ANK3: variants seen among roughly 807,000 people sequenced by gnomAD.
ANK3 encodes ankyrin-3.
Under a neutral mutation model 370.9 loss-of-function variants are expected in ANK3, and 57 were observed. That is an observed-to-expected ratio of 0.15 (90% CI 0.12 to 0.19). ANK3 has a LOEUF of 0.19. Among genes scored for constraint, ANK3 ranks in the 10% least tolerant of loss-of-function variants. The pLI is 1.00. For synonymous variants in ANK3, 1,929 were observed against 1,946.3 expected (o/e 0.99, Z 0.23); for missense variants, 4,439 against 5,302.1 (o/e 0.84, Z 5.06).
intron 40 of ANK3, chr10:60,060,195 A>ATAAAATAGAATACTAATTAAGATATCAAT (rs2080099058): frequency 2.3e-6 from 1 of 431,534 alleles, no homozygotes; most frequent in Admixed American, 3.9e-5. Flanking sequence ...GCAAACTCCA[A>ATAAAATAGAATACTAATTAAGATATCAAT]TAAAATAGAA....
rs559689758 is a variant in ANK3, at chr10:60,667,855, T to C, written c.58-52631A>G. 2.0e-5 allele frequency among the ~76,000 whole-genome samples: 3 copies of C among 151,672 alleles called. No individual in the cohort carries two copies. In the East Asian group the frequency reaches 5.8e-4, roughly 29 times the overall value. ...AATGGCCCTGAATCTCTCTCTTTCC[T>C]GGTTAGAGCAATGTTTCTCAATATT... is the stretch of plus-strand genomic sequence containing the variant. On this transcript the variant is annotated intron_variant, in intron 1 of 43. Transcript: ENST00000373827.
chr10:60,386,085 C>T (rs1188825385), intron 1 of ANK3, among the ~76,000 whole-genome samples: 1 of 152,142 alleles, frequency 6.6e-6, no homozygotes, highest in Non-Finnish European at 1.5e-5. Context: ...CTACCAACCA[C>T]TGCTCATGGA....
intron 1 of ANK3, among the ~76,000 whole-genome samples, chr10:60,302,556 G>A (rs537641567): frequency 1.3e-5 from 2 of 152,246 alleles, no homozygotes; most frequent in East Asian, 3.9e-4. Context: ...TGAGAAAGAA[G>A]CTAGAGTTCA....
chr10:60,141,569 T>TTTTTTTTTTTTG (rs2094563240), intron 23 of ANK3, among the ~76,000 whole-genome samples: 1 of 59,076 alleles, frequency 1.7e-5, no homozygotes, highest in African/African-American at 4.6e-5. Context: ...CTGTTTTTTT[T>TTTTTTTTTTTTG]TTTTTTTTTT....
At chr10:60,541,902 T>C (rs2076856986) in intron 2 of ANK3, among the ~76,000 whole-genome samples, 1 of 151,936 alleles carries the variant, frequency 6.6e-6, no homozygotes. Flanking sequence ...GATGATCCTT[T>C]TATTTTGGTA....
intron 2 of ANK3, among the ~76,000 whole-genome samples, chr10:60,526,641 C>T (rs776266711): frequency 3.9e-5 from 6 of 152,088 alleles, no homozygotes; most frequent in Non-Finnish European, 8.8e-5. Context: ...AGATAATCAG[C>T]TTTTCCCAGT....
At chr10:60,152,673 T>G (rs761939100) in intron 23 of ANK3, among the ~76,000 whole-genome samples, 2 of 152,202 alleles carry the variant, frequency 1.3e-5, no homozygotes, top group Non-Finnish European at 2.9e-5. Context: ...TGGTTACTTT[T>G]GTTACAAAAT....
At chr10:60,479,007 C>A (rs2075142607) in intron 2 of ANK3, among the ~76,000 whole-genome samples, 1 of 152,070 alleles carries the variant, frequency 6.6e-6, no homozygotes, top group Admixed American at 6.6e-5. Context: ...TGTTCCCAAA[C>A]CACGATCTCA....
At chr10:60,721,970 G>A (rs1262462526) in intron 1 of ANK3, among the ~76,000 whole-genome samples, 1 of 152,102 alleles carries the variant, frequency 6.6e-6, no homozygotes, top group Non-Finnish European at 1.5e-5. Flanking sequence ...TTGAATGATA[G>A]GCTGAACCCA....
At chr10:60,177,356 G>A (rs572675204) in intron 18 of ANK3, among the ~76,000 whole-genome samples, 1 of 152,274 alleles carries the variant, frequency 6.6e-6, no homozygotes, top group East Asian at 1.9e-4. Flanking sequence ...TCTGTGTCCA[G>A]ATCAATATGT....
intron 2 of ANK3, among the ~76,000 whole-genome samples, chr10:60,528,794 C>T (rs1239509022): frequency 6.6e-6 from 1 of 152,070 alleles, no homozygotes; most frequent in Non-Finnish European, 1.5e-5. Flanking sequence ...ACCCAAGTGT[C>T]TCCAGGCATT....
At chr10:60,250,486 T>C (rs1565990775) in intron 7 of ANK3, among the ~76,000 whole-genome samples, 3 of 152,198 alleles carry the variant, frequency 2.0e-5, no homozygotes. Context: ...TGCCTCAGCC[T>C]CCCCAGTAGC....
chr10:60,224,674 T>A (rs1394985100), intron 8 of ANK3, among the ~76,000 whole-genome samples: 1 of 151,992 alleles, frequency 6.6e-6, no homozygotes, highest in East Asian at 1.9e-4. Context: ...GCAAAATAAA[T>A]AAATAAATAC....
At chr10:60,084,239 TA>T (rs1349089698) in intron 32 of ANK3, 1 of 155,318 alleles carries the variant, frequency 6.4e-6, no homozygotes, top group African/African-American at 2.4e-5. Flanking sequence ...ACCCCATCTC[TA>T]CTGAAAATAC....
chr10:60,258,052 A>T (rs1030852296), intron 7 of ANK3, among the ~76,000 whole-genome samples: 4 of 152,220 alleles, frequency 2.6e-5, no homozygotes, highest in African/African-American at 9.6e-5. Flanking sequence ...GCAGGCAACC[A>T]CATAATACAA....
intron 2 of ANK3, among the ~76,000 whole-genome samples, chr10:60,460,235 A>G (rs1399689719): frequency 6.6e-6 from 1 of 152,174 alleles, no homozygotes; most frequent in Admixed American, 6.6e-5. Context: ...ACTTGCCGTC[A>G]GGAGCAAACC....
At chr10:60,082,578 C>T in intron 34 of ANK3, 37 bp downstream of exon 34, 3 of 1,602,740 alleles carry the variant, frequency 1.9e-6, no homozygotes. Flanking sequence ...TTCTTCAAGA[C>T]CAGGGAAAGA....
At chr10:60,342,499 T>G (rs1040523348) in intron 1 of ANK3, among the ~76,000 whole-genome samples, 7 of 152,220 alleles carry the variant, frequency 4.6e-5, no homozygotes, top group African/African-American at 1.2e-4. Context: ...TCATATGATC[T>G]GATAAAAGAC....
At chr10:60,165,934 C>T (rs1214964449) in intron 23 of ANK3, among the ~76,000 whole-genome samples, 1 of 152,148 alleles carries the variant, frequency 6.6e-6, no homozygotes, top group Non-Finnish European at 1.5e-5. Flanking sequence ...TGCTTGTTTT[C>T]CAATGGACCT....
Sources: gnomAD v4.1 joint callset for allele counts (sites outside exome capture counted in the v4.1 genomes callset) on GRCh38, gnomAD v4.1.1 for gene constraint, MANE v1.5 for transcripts, NCBI Gene and HGNC (gene_info 2026-07-23, HGNC 2026-07-21) for gene names.